Variants in SH3RF3 observed in about 807,000 individuals in gnomAD.
The protein encoded by SH3RF3 is E3 ubiquitin-protein ligase SH3RF3.
SH3RF3 carries 29 observed loss-of-function variants against 66.3 expected under a neutral mutation model. That is an observed-to-expected ratio of 0.44 (90% CI 0.33 to 0.60). The LOEUF is 0.60. SH3RF3 is among the 20% of genes least tolerant of loss of function. SH3RF3 has a pLI of 0.04. For synonymous variants in SH3RF3, 583 were observed against 532.0 expected (o/e 1.10, Z -1.32); for missense variants, 1,194 against 1,190.9 (o/e 1.00, Z -0.04).
At chr2:109,350,641 T>G (rs1682817728) in intron 2 of SH3RF3, among the ~76,000 whole-genome samples, 1 of 152,220 alleles carries the variant, frequency 6.6e-6, no homozygotes, top group African/African-American at 2.4e-5. Context: ...CATGTGACTC[T>G]CCGCTCAGTT....
intron 9 of SH3RF3, among the ~76,000 whole-genome samples, chr2:109,498,195 C>A (rs567762357): frequency 1.3e-5 from 2 of 152,260 alleles, no homozygotes; most frequent in African/African-American, 2.4e-5. Context: ...TCTGGTTCGC[C>A]GGCAGATAGC....
intron 1 of SH3RF3, among the ~76,000 whole-genome samples, chr2:109,134,435 G>C (rs747547823): frequency 6.6e-6 from 1 of 152,174 alleles, no homozygotes; most frequent in African/African-American, 2.4e-5. Flanking sequence ...TGTTCAGAAG[G>C]CCCCTGAGTG....
chr2:109,371,384 C>T lies in SH3RF3; in HGVS notation c.850-202C>T, dbSNP rs149438597. Among the ~76,000 whole-genome samples, 906 of 152,268 alleles carry T rather than the reference C, an allele frequency of 6.0e-3. 6 individuals carry two copies. Among genetic ancestry groups the T allele is most frequent in the African/African-American group, 0.02 (828 of 41,572 alleles). On this transcript the variant is annotated intron_variant, in intron 2 of 9. Transcript: ENST00000309415. ...CAGCCTGGGTGGCAGAGCGAGACTC[C>T]GCCCCTCCCTCCAAACAAAAAGAAA...
intron 1 of SH3RF3, among the ~76,000 whole-genome samples, chr2:109,338,444 T>A (rs1682479781): frequency 6.6e-6 from 1 of 152,168 alleles, no homozygotes; most frequent in Non-Finnish European, 1.5e-5. Flanking sequence ...TTTTTTTTTT[T>A]TACATGCTCA....
intron 1 of SH3RF3, among the ~76,000 whole-genome samples, chr2:109,212,799 G>C (rs1005298964): frequency 6.6e-6 from 1 of 152,188 alleles, no homozygotes; most frequent in Non-Finnish European, 1.5e-5. Context: ...GTATTTCCCT[G>C]CTGGAGGAGT....
At chr2:109,473,435 G>A (rs1678580624) in intron 8 of SH3RF3, among the ~76,000 whole-genome samples, 1 of 152,212 alleles carries the variant, frequency 6.6e-6, no homozygotes, top group Non-Finnish European at 1.5e-5. Context: ...AATGAGGTCT[G>A]AGCCCCTATT....
chr2:109,317,645 G>T (rs1681919577), intron 1 of SH3RF3, among the ~76,000 whole-genome samples: 1 of 152,308 alleles, frequency 6.6e-6, no homozygotes, highest in South Asian at 2.1e-4. Context: ...AAGAGAACTG[G>T]CTGAGTTTAA....
intron 6 of SH3RF3, among the ~76,000 whole-genome samples, chr2:109,435,742 T>C (rs1168041348): frequency 6.6e-6 from 1 of 152,258 alleles, no homozygotes; most frequent in Admixed American, 6.5e-5. Context: ...AATTAGTGAC[T>C]CATCATTTGT....
intron 2 of SH3RF3, among the ~76,000 whole-genome samples, chr2:109,364,725 G>A (rs1683123610): frequency 1.3e-5 from 2 of 152,146 alleles, no homozygotes; most frequent in African/African-American, 4.8e-5. Flanking sequence ...CTCCTCTGTA[G>A]GTGAAACAGG....
At chr2:109,221,898 C>G (rs1283010288) in intron 1 of SH3RF3, among the ~76,000 whole-genome samples, 1 of 151,928 alleles carries the variant, frequency 6.6e-6, no homozygotes, top group African/African-American at 2.4e-5. Context: ...AAAGGGATAC[C>G]TGCACCCCTG....
rs546202572 is a variant in SH3RF3 at position 109,394,046 on chromosome 2, A to G, written c.946-4544A>G. Among the ~76,000 whole-genome samples, 98 of 152,236 alleles carry G rather than the reference A, an allele frequency of 6.4e-4. 1 individual carries two copies. Among genetic ancestry groups the G allele is most frequent in the African/African-American group, 2.3e-3 (97 of 41,558 alleles). On this transcript the variant is annotated intron_variant, in intron 3 of 9. Transcript: ENST00000309415. The stretch of plus-strand genomic sequence containing the variant: ...GAGCTGCGGGGAGAGAGTCTTCTCT[A>G]TTCAACCCAGCCCCACCCTCGGACG...
intron 1 of SH3RF3, among the ~76,000 whole-genome samples, chr2:109,185,595 C>T (rs1678166297): frequency 6.6e-6 from 1 of 152,122 alleles, no homozygotes; most frequent in Non-Finnish European, 1.5e-5. Flanking sequence ...GTTTTCCTGC[C>T]TTTGGGGTTG....
chr2:109,399,892 G>T (rs1676256726), intron 4 of SH3RF3, among the ~76,000 whole-genome samples: 1 of 152,176 alleles, frequency 6.6e-6, no homozygotes, highest in African/African-American at 2.4e-5. Context: ...TGAGCCCAAG[G>T]TGCCCACACA....
chr2:109,221,581 C>CAAAAAA (rs60310731), intron 1 of SH3RF3, among the ~76,000 whole-genome samples: 1 of 63,342 alleles, frequency 1.6e-5, no homozygotes. Context: ...GACTCCATCT[C>CAAAAAA]AAAAAAAAAA....
chr2:109,476,280 C>T lies in SH3RF3; in HGVS notation c.2149-14325C>T, dbSNP rs370272605. Among the ~76,000 whole-genome samples, 10 of 152,328 alleles carry T rather than the reference C, an allele frequency of 6.6e-5. No individual in the cohort carries two copies. In the East Asian group the frequency reaches 1.9e-3, roughly 29 times the overall value. ...TCCAGACACAGTGGGGTTGTGGGCACAGTACCCCAAGGGGGTCAAGTGAAG... is the reference window on the plus strand; with the variant it reads ...TCCAGACACAGTGGGGTTGTGGGCATAGTACCCCAAGGGGGTCAAGTGAAG... On this transcript the variant is annotated intron_variant, in intron 8 of 9. Coordinates refer to ENST00000309415, the MANE Select transcript of SH3RF3 (RefSeq NM_001099289.3).
chr2:109,378,210 C>T (rs1484459267), intron 3 of SH3RF3, among the ~76,000 whole-genome samples: 1 of 152,232 alleles, frequency 6.6e-6, no homozygotes, highest in Non-Finnish European at 1.5e-5. Context: ...CGGGTGGGTT[C>T]ACCCACCGGC....
intron 4 of SH3RF3, among the ~76,000 whole-genome samples, chr2:109,414,681 C>G (rs934294490): frequency 6.6e-6 from 1 of 152,182 alleles, no homozygotes; most frequent in Non-Finnish European, 1.5e-5. Context: ...GCATTACCAG[C>G]ACCCTCATCA....
At chr2:109,299,675 G>A (rs1681409288) in intron 1 of SH3RF3, among the ~76,000 whole-genome samples, 1 of 152,122 alleles carries the variant, frequency 6.6e-6, no homozygotes, top group Non-Finnish European at 1.5e-5. Context: ...GAACCTAAAA[G>A]CCAGTTCTGC....
chr2:109,139,231 G>C (rs1676882309), intron 1 of SH3RF3, among the ~76,000 whole-genome samples: 1 of 152,172 alleles, frequency 6.6e-6, no homozygotes, highest in South Asian at 2.1e-4. Context: ...GTGTTTGCAT[G>C]AGAAAATGCG....
Sources: gnomAD v4.1 joint callset for allele counts (sites outside exome capture counted in the v4.1 genomes callset) on GRCh38, gnomAD v4.1.1 for gene constraint, MANE v1.5 for transcripts, NCBI Gene and HGNC (gene_info 2026-07-23, HGNC 2026-07-21) for gene names.